Variants in GRIN2B observed in about 807,000 individuals in gnomAD.
GRIN2B encodes the protein glutamate receptor ionotropic, NMDA 2B.
A neutral mutation model predicts 114.5 loss-of-function variants in GRIN2B; 5 were observed. The observed-to-expected ratio is 0.04, with a 90% CI of 0.02 to 0.09. The LOEUF (loss-of-function observed/expected upper bound fraction) is 0.09, where lower values mean the gene tolerates loss of function less well. GRIN2B is among the 10% of genes least tolerant of loss of function. The probability of loss-of-function intolerance (pLI) is 1.00; values close to 1 mark genes in which losing one functional copy is unlikely to be tolerated. For synonymous variants in GRIN2B, 787 were observed against 745.1 expected (o/e 1.06, Z -0.92); for missense variants, 1,108 against 1,943.5 (o/e 0.57, Z 8.08).
intron 4 of GRIN2B, among the ~76,000 whole-genome samples, chr12:13,701,022 C>T (rs1410187968): frequency 1.3e-5 from 2 of 152,060 alleles, no homozygotes; most frequent in Non-Finnish European, 2.9e-5. Context: ...AACTTACAAC[C>T]GTGGCAGAAG....
rs138412718 is a variant in GRIN2B at position 13,729,501 on chromosome 12, C to T, written c.1010+23816G>A. Among the ~76,000 whole-genome samples, 743 of 151,964 alleles carry T rather than the reference C, an allele frequency of 4.9e-3. 9 individuals carry two copies. The highest frequency in any genetic ancestry group is 0.017 in the African/African-American group (722 of 41,450). On this transcript the variant is annotated intron_variant, in intron 4 of 13. Transcript: ENST00000609686. The stretch of plus-strand genomic sequence containing the variant: ...GTTCATGGAGAGACAGTCTTGGAGG[C>T]GGGTGGAAGGAAGAGTCATTAGGGA...
At chr12:13,936,036 C>T (rs1157638680) in intron 2 of GRIN2B, among the ~76,000 whole-genome samples, 2 of 152,116 alleles carry the variant, frequency 1.3e-5, no homozygotes, top group African/African-American at 4.8e-5. Context: ...TAGTTTGTGG[C>T]AGCTAAAAAG....
intron 2 of GRIN2B, among the ~76,000 whole-genome samples, chr12:13,952,684 T>C (rs1432044878): frequency 1.3e-5 from 2 of 152,150 alleles, no homozygotes; most frequent in Non-Finnish European, 2.9e-5. Context: ...TTAAGGTATA[T>C]AATAGCATGA....
intron 3 of GRIN2B, among the ~76,000 whole-genome samples, chr12:13,790,306 C>T (rs1376114572): frequency 6.6e-6 from 1 of 152,212 alleles, no homozygotes; most frequent in Non-Finnish European, 1.5e-5. Flanking sequence ...CCTGTGTCCT[C>T]TCATCCCCTC....
chr12:13,978,564 A>G (rs1477504942), intron 2 of GRIN2B, among the ~76,000 whole-genome samples: 1 of 152,256 alleles, frequency 6.6e-6, no homozygotes, highest in Non-Finnish European at 1.5e-5. Context: ...ATTTTGGATT[A>G]TCAAAGAATT....
At position 13,588,646 on chromosome 12, in the gene GRIN2B, C is replaced by T. The variant is rs1264284145; in HGVS notation, c.2011-16682G>A. On this transcript the variant is annotated intron_variant, in intron 10 of 13. Coordinates refer to ENST00000609686, the MANE Select transcript of GRIN2B (RefSeq NM_000834.5). ...GAACAGGCTTTGTCAAATGCATGCT[C>T]AAGAAAAATCATGCAGTTCTACCTG... Among the ~76,000 whole-genome samples, 5 of 152,310 alleles carry T rather than the reference C, an allele frequency of 3.3e-5. No individual in the cohort carries two copies. The East Asian group carries it at 9.6e-4, about 29-fold the overall frequency.
rs192159968 is a variant in GRIN2B at position 13,843,792 on chromosome 12, T to C, written c.411+22006A>G. On this transcript the variant is annotated intron_variant, in intron 3 of 13. Coordinates refer to ENST00000609686, the MANE Select transcript of GRIN2B (RefSeq NM_000834.5). ...TCCAACATGACTTAGATTTTAACAA[T>C]TTGTTTCCAGCCAATCACCAAATCT... 5.9e-5 allele frequency among the ~76,000 whole-genome samples: 9 copies of C among 152,358 alleles called. No homozygotes were observed. The East Asian group carries it at 9.6e-4, about 16-fold the overall frequency.
intron 10 of GRIN2B, among the ~76,000 whole-genome samples, chr12:13,604,388 C>A (rs959097357): frequency 2.0e-5 from 3 of 152,058 alleles, no homozygotes; most frequent in Non-Finnish European, 4.4e-5. Flanking sequence ...TTTTTTTCTG[C>A]AATAAAGCTG....
At chr12:13,866,742 G>A (rs1865835070) in intron 2 of GRIN2B, among the ~76,000 whole-genome samples, 1 of 152,166 alleles carries the variant, frequency 6.6e-6, no homozygotes, top group South Asian at 2.1e-4. Flanking sequence ...GCCTCAATGA[G>A]GACAACAGCC....
In GRIN2B at chr12:13,865,989, T is replaced by C. The variant is rs1247634964; in HGVS notation, c.220A>G (p.Asn74Asp). 1 of 1,613,984 alleles carries C rather than the reference T, an allele frequency of 6.2e-7. No homozygotes were observed. The highest frequency in any genetic ancestry group is 1.1e-5 in the South Asian group (1 of 91,052). ...VVPRVELVAM[N>D]ETDPKSIITR... ...ATGATGCTCTTTGGGTCGGTCTCAT[T>C]CATGGCTACCAGTTCCACCCGGGGT... is the stretch of plus-strand genomic sequence containing the variant. Residue 74 changes from asparagine to aspartate, a missense_variant, in exon 3 of 14, where the codon AAT (asparagine) becomes GAT (aspartate). By Grantham distance (23) the Asn-to-Asp change is conservative. This residue lies in a region of GRIN2B where 199 missense variants were observed against 439.6 expected (regional missense o/e 0.45). Coordinates refer to ENST00000609686, the MANE Select transcript of GRIN2B (RefSeq NM_000834.5).
At chr12:13,762,458 G>A (rs919094635) in intron 3 of GRIN2B, among the ~76,000 whole-genome samples, 1 of 152,198 alleles carries the variant, frequency 6.6e-6, no homozygotes, top group East Asian at 1.9e-4. Context: ...GGCACTTGAC[G>A]TACTAGCGGC....
intron 3 of GRIN2B, among the ~76,000 whole-genome samples, chr12:13,850,862 GTGCGGGCCAGTTGC>G (rs1865550713): frequency 6.6e-6 from 1 of 151,978 alleles, no homozygotes; most frequent in African/African-American, 2.4e-5. Flanking sequence ...GCCATTAATA[GTGCGGGCCAGTTGC>G]TTTCCTTTCT....
At chr12:13,906,949 A>G (rs1372651642) in intron 2 of GRIN2B, among the ~76,000 whole-genome samples, 1 of 152,238 alleles carries the variant, frequency 6.6e-6, no homozygotes, top group Admixed American at 6.5e-5. Context: ...ACAGCATACT[A>G]GGTTACTTAG....
chr12:13,597,234 A>C (rs1014082035), intron 10 of GRIN2B, among the ~76,000 whole-genome samples: 1 of 152,188 alleles, frequency 6.6e-6, no homozygotes, highest in African/African-American at 2.4e-5. Context: ...ATCAAGGAAA[A>C]ACATCAAGGT....
chr12:13,713,757 C>G (rs1285460208), intron 4 of GRIN2B, among the ~76,000 whole-genome samples: 1 of 151,796 alleles, frequency 6.6e-6, no homozygotes, highest in Non-Finnish European at 1.5e-5. Flanking sequence ...GACAATAAAG[C>G]TTGCATATTT....
intron 2 of GRIN2B, among the ~76,000 whole-genome samples, chr12:13,902,790 A>G (rs541291695): frequency 9.2e-5 from 14 of 152,326 alleles, no homozygotes; most frequent in African/African-American, 3.4e-4. Flanking sequence ...AACCTGGGCC[A>G]CAAGAGCAAG....
chr12:13,758,836 C>A (rs1031029691), intron 3 of GRIN2B, among the ~76,000 whole-genome samples: 2 of 152,102 alleles, frequency 1.3e-5, no homozygotes, highest in African/African-American at 4.8e-5. Flanking sequence ...CCTTATCTGA[C>A]TAAAAATGTT....
intron 3 of GRIN2B, among the ~76,000 whole-genome samples, chr12:13,775,386 T>C (rs7311774): frequency 0.023 from 3,571 of 152,280 alleles, 135 homozygotes; most frequent in African/African-American, 0.081. Context: ...TCTCTTCCAA[T>C]GTTTTTCCTT....
chr12:13,636,506 G>A (rs1380413593), intron 5 of GRIN2B, among the ~76,000 whole-genome samples: 4 of 152,198 alleles, frequency 2.6e-5, no homozygotes, highest in Non-Finnish European at 5.9e-5. Flanking sequence ...AACAGGTGAT[G>A]GGGACGTGAC....
Sources: gnomAD v4.1 joint callset for allele counts (sites outside exome capture counted in the v4.1 genomes callset) on GRCh38, gnomAD v4.1.1 for gene constraint, gnomAD v4.1.1 regional missense constraint, MANE v1.5 for transcripts, NCBI Gene and HGNC (gene_info 2026-07-23, HGNC 2026-07-21) for gene names.